The following DNAH3 variants were observed in gnomAD, a reference collection of about 807,000 sequenced individuals.
DNAH3 encodes the protein axonemal beta dynein heavy chain 3.
A neutral mutation model predicts 432.5 loss-of-function variants in DNAH3; 332 were observed. The ratio of observed to expected loss-of-function variants is 0.77; its 90% CI spans 0.70 to 0.84. The LOEUF (loss-of-function observed/expected upper bound fraction) is 0.84. Ranked by LOEUF, DNAH3 falls within the 40% of genes least tolerant of loss-of-function variation. The pLI is 0.00. For missense variants in DNAH3, 4,861 were observed against 5,114.0 expected, an observed-to-expected ratio of 0.95 and a Z score of 1.51; for synonymous variants, 1,956 against 1,900.2, an observed-to-expected ratio of 1.03 and a Z score of -0.76.
At chr16:21,087,171 A>C in intron 18 of DNAH3, 111 bp from the exon 19 acceptor site, 1 of 881,098 alleles carries the variant, frequency 1.1e-6, no homozygotes. Context: ...AGATTGGAAC[A>C]CATACAGGCT....
intron 41 of DNAH3, among the ~76,000 whole-genome samples, chr16:21,010,565 A>G (rs919236214): frequency 6.6e-5 from 10 of 152,146 alleles, no homozygotes; most frequent in Non-Finnish European, 1.5e-5. Flanking sequence ...TCCTTAGTGT[A>G]TGCTTCCCAG....
At chr16:21,118,626 G>T (rs1267836281) in intron 11 of DNAH3, among the ~76,000 whole-genome samples, 1 of 152,112 alleles carries the variant, frequency 6.6e-6, no homozygotes, top group Non-Finnish European at 1.5e-5. Context: ...TTTTTGTACA[G>T]ACAGGGGCTC....
chr16:21,002,804 A>T (rs557942787), intron 42 of DNAH3, among the ~76,000 whole-genome samples: 1 of 152,236 alleles, frequency 6.6e-6, no homozygotes, highest in Non-Finnish European at 1.5e-5. Flanking sequence ...GAATAGCAAC[A>T]AACACTGATG....
At chr16:21,004,668 C>T (rs903527187) in intron 41 of DNAH3, among the ~76,000 whole-genome samples, 1 of 151,736 alleles carries the variant, frequency 6.6e-6, no homozygotes, top group African/African-American at 2.4e-5. Flanking sequence ...GTGCCCAGCC[C>T]TTCCCCGTCT....
chr16:20,962,539 G>C (rs1339440211), intron 53 of DNAH3, among the ~76,000 whole-genome samples: 1 of 152,186 alleles, frequency 6.6e-6, no homozygotes, highest in Non-Finnish European at 1.5e-5. Context: ...TGAGTCCCCA[G>C]ATCTGTCTTT....
At chr16:21,131,337 CAAGCAAGA>C (rs1244962679) in intron 7 of DNAH3, among the ~76,000 whole-genome samples, 2 of 148,570 alleles carry the variant, frequency 1.3e-5, no homozygotes, top group Admixed American at 1.4e-4. Context: ...AACAAGAAAG[CAAGCAAGA>C]AAGCAAGAAA....
At chr16:20,965,940 T>C (rs2152626884) in intron 52 of DNAH3, among the ~76,000 whole-genome samples, 1 of 148,436 alleles carries the variant, frequency 6.7e-6, no homozygotes, top group African/African-American at 2.5e-5. Context: ...CTTAAACTCC[T>C]GACCTCATGT....
At chr16:20,965,115 G>C in exon 53 of DNAH3, 1 of 1,614,044 alleles carries the variant, frequency 6.2e-7, no homozygotes. Context: ...CTCTTTTCTG[G>C]TTCAGCTTCT....
exon 53 of DNAH3, chr16:20,964,763 G>C: frequency 6.2e-7 from 1 of 1,614,110 alleles, no homozygotes; most frequent in Non-Finnish European, 8.5e-7. Flanking sequence ...GTGTGGCTGA[G>C]ACTGAAGTCA....
chr16:20,978,248 G>A lies in DNAH3; in HGVS notation c.8076+1082C>T, dbSNP rs112409369. Among the ~76,000 whole-genome samples the A allele has an allele frequency of 1.2e-4, 18 of 152,300 alleles. 1 individual carries two copies. Among genetic ancestry groups the A allele is most frequent in the African/African-American group, 4.3e-4 (18 of 41,568 alleles). ...TTCTTCTTTTTTAAAGGGACAAGGT[G>A]GCCGGGCGGGTGGCTCATGCCTGTA... On this transcript the variant is annotated intron_variant, in intron 50 of 61. Coordinates refer to ENST00000261383, the Ensembl canonical transcript of DNAH3.
chr16:20,989,125 T>G (rs535650580), intron 44 of DNAH3, among the ~76,000 whole-genome samples: 1 of 152,332 alleles, frequency 6.6e-6, no homozygotes, highest in South Asian at 2.1e-4. Context: ...CACTGCTGGC[T>G]CGGGCAGCCT....
intron 41 of DNAH3, among the ~76,000 whole-genome samples, chr16:21,018,772 G>T (rs909418358): frequency 1.5e-4 from 23 of 151,992 alleles, no homozygotes; most frequent in African/African-American, 5.3e-4. Flanking sequence ...GTGCATGCCT[G>T]TAATCCCAAC....
At chr16:20,957,979 T>C (rs899431174) in intron 54 of DNAH3, among the ~76,000 whole-genome samples, 1 of 151,802 alleles carries the variant, frequency 6.6e-6, no homozygotes, top group African/African-American at 2.4e-5. Flanking sequence ...AATAGCTGTT[T>C]CCAATGTTGA....
At chr16:21,093,382 T>A (rs2091592451) in intron 18 of DNAH3, among the ~76,000 whole-genome samples, 1 of 152,184 alleles carries the variant, frequency 6.6e-6, no homozygotes, top group South Asian at 2.1e-4. Context: ...GCATAGGAGC[T>A]GTATGCTGAA....
exon 13 of DNAH3, chr16:21,112,054 G>C (rs147593772): frequency 1.2e-6 from 2 of 1,613,596 alleles, no homozygotes; most frequent in African/African-American, 2.7e-5. Flanking sequence ...TTGCTCTGCC[G>C]TGTTATCCAA....
intron 15 of DNAH3, 47 bp from the exon 16 acceptor site, chr16:21,104,641 C>T (rs566656974): frequency 2.4e-5 from 29 of 1,188,124 alleles, no homozygotes; most frequent in African/African-American, 2.2e-4. Flanking sequence ...TAGCATAGGT[C>T]GGGTCAGCAT....
At chr16:21,125,318 G>T in exon 9 of DNAH3, 18 of 1,613,356 alleles carry the variant, frequency 1.1e-5, no homozygotes, top group Non-Finnish European at 1.5e-5. Context: ...GGAGCAAAAT[G>T]AATCCAGTGC....
chr16:21,069,060 G>C (rs1448546358), intron 23 of DNAH3, among the ~76,000 whole-genome samples: 2 of 151,910 alleles, frequency 1.3e-5, no homozygotes, highest in Admixed American at 1.3e-4. Flanking sequence ...GAGTAGCTGG[G>C]ATTACAGGCA....
At chr16:21,019,718 A>T in exon 41 of DNAH3, 1 of 1,614,156 alleles carries the variant, frequency 6.2e-7, no homozygotes, top group Non-Finnish European at 8.5e-7. Context: ...GGAAAAACAC[A>T]TCAAATTTCT....
Sources: allele counts gnomAD v4.1 joint callset (sites outside exome capture counted in the v4.1 genomes callset), GRCh38; gene constraint gnomAD v4.1.1; transcripts MANE v1.5; gene names NCBI Gene and HGNC (gene_info 2026-07-23, HGNC 2026-07-21).